Variants in CD226 observed in about 807,000 individuals in gnomAD.
CD226 encodes CD226 antigen.
A neutral mutation model predicts 34.9 loss-of-function variants in CD226; 24 were observed. That is an observed-to-expected ratio of 0.69 (90% CI 0.50 to 0.97). The LOEUF is 0.97. Among genes scored for constraint, CD226 ranks in the 50% least tolerant of loss-of-function variants. The pLI, the probability that CD226 is intolerant of heterozygous loss-of-function variation, is 0.00. For synonymous variants in CD226, 148 were observed against 147.4 expected, an observed-to-expected ratio of 1.00 and a Z score of -0.03; for missense variants, 397 against 412.7, an observed-to-expected ratio of 0.96 and a Z score of 0.33.
chr18:69,923,833 A>G (rs1291221004), intron 2 of CD226, among the ~76,000 whole-genome samples: 1 of 151,750 alleles, frequency 6.6e-6, no homozygotes, highest in Non-Finnish European at 1.5e-5. Context: ...GGGCGCCTGT[A>G]GTCCCAGCTA....
intron 2 of CD226, among the ~76,000 whole-genome samples, chr18:69,911,819 G>A (rs1444778642): frequency 6.6e-6 from 1 of 152,032 alleles, no homozygotes; most frequent in African/African-American, 2.4e-5. Flanking sequence ...AATAGAATAT[G>A]CTCATTTTAC....
chr18:69,943,971 G>T (rs12455786), intron 2 of CD226, among the ~76,000 whole-genome samples: 1,748 of 137,518 alleles, frequency 0.013, 29 homozygotes, highest in Admixed American at 0.053. Context: ...TAGATTCCAA[G>T]TCTTTTTTTT....
intron 4 of CD226, among the ~76,000 whole-genome samples, chr18:69,869,205 T>C (rs1568156681): frequency 6.6e-6 from 1 of 152,182 alleles, no homozygotes; most frequent in African/African-American, 2.4e-5. Flanking sequence ...CATGCAAGCA[T>C]GTGTTCATTG....
chr18:69,916,304 T>A (rs965903202), intron 2 of CD226, among the ~76,000 whole-genome samples: 3 of 152,192 alleles, frequency 2.0e-5, no homozygotes, highest in Admixed American at 2.0e-4. Flanking sequence ...CAAAACCAAT[T>A]TTAAATAATA....
chr18:69,930,140 G>A (rs2055571720), intron 2 of CD226, among the ~76,000 whole-genome samples: 1 of 152,090 alleles, frequency 6.6e-6, no homozygotes, highest in African/African-American at 2.4e-5. Context: ...AGACTTTCAG[G>A]TAAAAGCATC....
chr18:69,936,976 A>T (rs2055661665), intron 2 of CD226, among the ~76,000 whole-genome samples: 1 of 152,114 alleles, frequency 6.6e-6, no homozygotes, highest in Non-Finnish European at 1.5e-5. Context: ...CTCCTCCATC[A>T]CTTTCACCTG....
At chr18:69,937,333 G>A (rs1238086906) in intron 2 of CD226, among the ~76,000 whole-genome samples, 1 of 152,002 alleles carries the variant, frequency 6.6e-6, no homozygotes, top group Non-Finnish European at 1.5e-5. Flanking sequence ...GAAAATAGCT[G>A]TCTATTTTCT....
upstream of CD226, among the ~76,000 whole-genome samples, chr18:69,948,527 G>A (rs149575871): frequency 2.8e-4 from 42 of 152,304 alleles, no homozygotes; most frequent in East Asian, 6.9e-3. Flanking sequence ...CGACTACTCA[G>A]CATGAATATC....
upstream of CD226, among the ~76,000 whole-genome samples, chr18:69,958,824 CACACAT>C (rs1341946058): frequency 1.1e-4 from 17 of 148,806 alleles, no homozygotes; most frequent in African/African-American, 4.0e-4. Context: ...CACACACACA[CACACAT>C]CCTTCTCCTT....
intron 2 of CD226, among the ~76,000 whole-genome samples, chr18:69,905,647 ACATT>A (rs1265429226): frequency 6.6e-6 from 1 of 152,216 alleles, no homozygotes; most frequent in African/African-American, 2.4e-5. Flanking sequence ...TATTCATTCA[ACATT>A]CATTCCTTCA....
chr18:69,940,397 G>A (rs1217589930), intron 2 of CD226, among the ~76,000 whole-genome samples: 1 of 152,252 alleles, frequency 6.6e-6, no homozygotes, highest in Non-Finnish European at 1.5e-5. Context: ...ACAGGTAGAG[G>A]TTGGAACAGT....
chr18:69,946,013 C>A (rs2055784856), intron 2 of CD226, among the ~76,000 whole-genome samples: 1 of 151,566 alleles, frequency 6.6e-6, no homozygotes, highest in Non-Finnish European at 1.5e-5. Context: ...CCAGGTCCCT[C>A]CCACAACACA....
In CD226 at chr18:69,855,131, T is replaced by A. The variant is rs1468250623; in HGVS notation, c.*9183A>T. 2.7e-5 allele frequency: 4 copies of A among 145,882 alleles called. No homozygotes were observed. Among genetic ancestry groups the A allele is most frequent in the East Asian group, 2.1e-4 (1 of 4,868 alleles). The allele number at this position is 145,882 out of a possible 1,614,324, so 9.0% of individuals were successfully genotyped here. A position where few individuals can be genotyped will look rare whatever the true frequency, so the allele number is the denominator to read the frequency against. On this transcript the variant is annotated 3_prime_UTR_variant, in exon 6 of 6. Coordinates refer to ENST00000582621, the MANE Select transcript of CD226 (RefSeq NM_001303618.2). ...CTTGCAACAAAAAATTCAAAAAAAA[T>A]GTCAAAGAACGTCAAAAGGCAAGAA...
intron 2 of CD226, among the ~76,000 whole-genome samples, chr18:69,904,374 C>T (rs4891786): frequency 6.6e-6 from 1 of 152,122 alleles, no homozygotes; most frequent in Admixed American, 6.5e-5. Context: ...GCCCCGGCAG[C>T]TTTGTGATTC....
At chr18:69,933,039 A>G (rs1390343888) in intron 2 of CD226, among the ~76,000 whole-genome samples, 1 of 152,122 alleles carries the variant, frequency 6.6e-6, no homozygotes, top group Non-Finnish European at 1.5e-5. Flanking sequence ...TGTAATTTGG[A>G]AAGACTGCTC....
upstream of CD226, among the ~76,000 whole-genome samples, chr18:69,958,871 TTTTTTA>T (rs1465343021): frequency 2.0e-5 from 3 of 152,192 alleles, no homozygotes; most frequent in South Asian, 2.1e-4. Flanking sequence ...TGCTATTTTG[TTTTTTA>T]TTTTTATTAT....
At chr18:69,902,328 T>A (rs75828748) in intron 2 of CD226, among the ~76,000 whole-genome samples, 1 of 152,058 alleles carries the variant, frequency 6.6e-6, no homozygotes, top group Non-Finnish European at 1.5e-5. Context: ...TGGGTTCCCA[T>A]CCTGCTCGGC....
chr18:69,961,194 T>C (rs12955117), upstream of CD226, among the ~76,000 whole-genome samples: 116,908 of 152,214 alleles, frequency 0.77, 51,993 homozygotes, highest in East Asian at 1. Flanking sequence ...TGTGAATATA[T>C]ATGAATGTAC....
At chr18:69,946,058 C>A (rs58679182) in intron 2 of CD226, among the ~76,000 whole-genome samples, 4,307 of 151,708 alleles carry the variant, frequency 0.028, 228 homozygotes, top group African/African-American at 0.099. Context: ...GCGGTGCACA[C>A]CTGTAGTCCC....
Sources: allele counts gnomAD v4.1 joint callset (sites outside exome capture counted in the v4.1 genomes callset), GRCh38; gene constraint gnomAD v4.1.1; transcripts MANE v1.5; gene names NCBI Gene and HGNC (gene_info 2026-07-23, HGNC 2026-07-21).